The following NAPRT variants were observed in gnomAD, a reference collection of about 807,000 sequenced individuals.
NAPRT encodes FHA-HIT-interacting protein.
A neutral mutation model predicts 60.7 loss-of-function variants in NAPRT; 66 were observed. That is an observed-to-expected ratio of 1.09 (90% confidence interval 0.89 to 1.33). The LOEUF (loss-of-function observed/expected upper bound fraction) is 1.33. Among genes scored for constraint, NAPRT ranks in the 40% most tolerant of loss-of-function variants. NAPRT has a pLI of 0.00. For synonymous variants in NAPRT, 405 were observed against 335.7 expected, an observed-to-expected ratio of 1.21 and a Z score of -2.26; for missense variants, 818 against 731.5, an observed-to-expected ratio of 1.12 and a Z score of -1.36.
downstream of NAPRT, chr8:143,572,874 G>A: frequency 1.2e-6 from 1 of 846,768 alleles, no homozygotes. Context: ...CCTACAATGG[G>A]CCTTTGAGGG....
rs1391388570 is a variant in NAPRT, at chr8:143,575,419, T to A, written c.1291+4A>T. 1 of 1,592,072 alleles carries A rather than the reference T, an allele frequency of 6.3e-7. No homozygotes were observed. The highest frequency in any genetic ancestry group is 1.7e-5 in the Admixed American group (1 of 59,584). On this transcript the variant is annotated splice_donor_region_variant and intron_variant, in intron 10 of 12. Coordinates refer to ENST00000449291, the MANE Select transcript of NAPRT (RefSeq NM_145201.6). ...GGACAGCAGGGGGGATGGGAGGGCC[T>A]CACCGTCAGAGCCCAGGAGCCGGAA... is the stretch of plus-strand genomic sequence containing the variant.
Position 143,575,163 on chromosome 8 carries a change from G to A in NAPRT, c.1446+28C>T, listed in dbSNP as rs541073257. ...AGTCAGGGCTCTACCGGGGCTGGGG[G>A]TCAGGATGAGGGCGGTGGGGCAGCC... On this transcript the variant is annotated intron_variant, in intron 11 of 12. Coordinates refer to ENST00000449291, the MANE Select transcript of NAPRT (RefSeq NM_145201.6). 205 of 1,593,258 alleles carry A rather than the reference G, an allele frequency of 1.3e-4. 5 individuals are homozygous for A. In the South Asian group the frequency reaches 2.2e-3, roughly 17 times the overall value.
chr8:143,577,086 T>C lies in NAPRT; in HGVS notation c.660A>G (p.Ser220=). Residue 220 remains serine (S), a synonymous_variant, in exon 5 of 13, where the codon TCA becomes TCG. Transcript: ENST00000449291. ...CCGGGTCAGGGGGCACCTCGCTGCC[T>C]GAAAAGGAAGTGACGAAGGAGTGGG... ...TLAHSFVTSF[S]GSEVPPDPML... 6.2e-7 allele frequency: 1 copy of C among 1,612,932 alleles called. No individual in the cohort carries two copies. Among genetic ancestry groups the C allele is most frequent in the Non-Finnish European group, 8.5e-7 (1 of 1,179,908 alleles).
rs373972722 is a variant in NAPRT, at chr8:143,577,410, C to A, written c.438-11G>T. ...TTGGTGGCCACCAGGCTGTGGGGAG[C>A]CAAGAGTCAGGGGGTCCCAGGGTGA... is the stretch of plus-strand genomic sequence containing the variant. On this transcript the variant is annotated splice_polypyrimidine_tract_variant and intron_variant, in intron 3 of 12. Transcript: ENST00000449291. 4 of 1,603,532 alleles carry A rather than the reference C, an allele frequency of 2.5e-6. No homozygotes were observed. The highest frequency in any genetic ancestry group is 3.4e-6 in the Non-Finnish European group (4 of 1,175,806).
chr8:143,577,440 C>T (rs759653773), intron 3 of NAPRT, 41 bp from the exon 4 acceptor site: 1 of 1,574,876 alleles, frequency 6.3e-7, no homozygotes, highest in African/African-American at 1.3e-5. Context: ...GGGTGAGGAT[C>T]ACTAGGCCAC....
Position 143,575,350 on chromosome 8 carries a change from G to A in NAPRT, c.1292-5C>T, listed in dbSNP as rs1291617480. On this transcript the variant is annotated splice_polypyrimidine_tract_variant and splice_region_variant and intron_variant, in intron 10 of 12. Coordinates refer to ENST00000449291, the MANE Select transcript of NAPRT (RefSeq NM_145201.6). Reference sequence around the variant, plus strand: ...GCATGTCCATGAGTGGAGACCCTGTGTGGACGGGGCAAGAATAAGCGGGGG... The same window carrying A: ...GCATGTCCATGAGTGGAGACCCTGTATGGACGGGGCAAGAATAAGCGGGGG... 6.2e-7 allele frequency: 1 copy of A among 1,609,546 alleles called. No homozygotes were observed. The highest frequency in any genetic ancestry group is 1.3e-5 in the African/African-American group (1 of 74,826).
chr8:143,575,404 G>T lies in NAPRT; in HGVS notation c.1291+19C>A, dbSNP rs754142661. On this transcript the variant is annotated intron_variant, in intron 10 of 12. Transcript: ENST00000449291. ...TGGTGCTTTGAAGGTGGACAGCAGGGGGGATGGGAGGGCCTCACCGTCAGA... is the reference window on the plus strand; with the variant it reads ...TGGTGCTTTGAAGGTGGACAGCAGGTGGGATGGGAGGGCCTCACCGTCAGA... 7 of 1,593,864 alleles carry T rather than the reference G, an allele frequency of 4.4e-6. No homozygotes were observed. The highest frequency in any genetic ancestry group is 6.0e-6 in the Non-Finnish European group (7 of 1,164,436).
Position 143,578,183 on chromosome 8 carries a change from G to A in NAPRT, c.136C>T (p.Arg46Cys), listed in dbSNP as rs1824655722. Residue 46 changes from arginine (R) to cysteine (C), a missense_variant, in exon 1 of 13, where the codon CGC (arginine) becomes TGC (cysteine). By Grantham distance (180) the Arg-to-Cys change is radical (BLOSUM62 -3). Coordinates refer to ENST00000449291, the MANE Select transcript of NAPRT (RefSeq NM_145201.6). ...RDAAEFELFF[R>C]RCPFGGAFAL... ...AAGGCGCCGCCGAACGGGCAGCGGCGGAAGAAGAGCTCGAACTCGGCGGCG... is the reference window on the plus strand; with the variant it reads ...AAGGCGCCGCCGAACGGGCAGCGGCAGAAGAAGAGCTCGAACTCGGCGGCG... 4.0e-6 allele frequency: 6 copies of A among 1,515,592 alleles called. No individual in the cohort carries two copies. The highest frequency in any genetic ancestry group is 1.4e-5 in the African/African-American group (1 of 69,618). 93.9% of individuals were successfully genotyped at this position (1,515,592 alleles called of 1,614,324 possible).
At position 143,575,538 on chromosome 8, in the gene NAPRT, G is replaced by A. The variant is rs754505066; in HGVS notation, c.1189-13C>T. 2 of 1,598,274 alleles carry A rather than the reference G, an allele frequency of 1.3e-6. No individual in the cohort carries two copies. Among genetic ancestry groups the A allele is most frequent in the Non-Finnish European group, 1.7e-6 (2 of 1,168,328 alleles). The stretch of plus-strand genomic sequence containing the variant: ...CCACGGCCACCAGCTGCAGGAAGAG[G>A]GCGTTGAGCTGGCTGGTCCTTATCC... On this transcript the variant is annotated splice_polypyrimidine_tract_variant and intron_variant, in intron 9 of 12. Coordinates refer to ENST00000449291, the MANE Select transcript of NAPRT (RefSeq NM_145201.6).
chr8:143,575,174 G>A lies in NAPRT; in HGVS notation c.1446+17C>T, dbSNP rs1305354085. On this transcript the variant is annotated intron_variant, in intron 11 of 12. Transcript: ENST00000449291. ...TACCGGGGCTGGGGGTCAGGATGAG[G>A]GCGGTGGGGCAGCCACCTGTCCCTG... 2 of 1,599,166 alleles carry A rather than the reference G, an allele frequency of 1.3e-6. No homozygotes were observed. Among genetic ancestry groups the A allele is most frequent in the Non-Finnish European group, 1.7e-6 (2 of 1,173,362 alleles).
rs747280993 is a variant in NAPRT at position 143,576,122 on chromosome 8, T to A, written c.1063A>T (p.Ser355Cys). The A allele has an allele frequency of 2.5e-6, 4 of 1,606,490 alleles. No individual in the cohort carries two copies. In the African/African-American group the frequency reaches 4.0e-5, roughly 16 times the overall value. Reference sequence around the variant, plus strand: ...AGCGCCTCCTCGTCAATGTTGTTGCTGACTACGATGAGGACTGACTCCAGC... The same window carrying A: ...AGCGCCTCCTCGTCAATGTTGTTGCAGACTACGATGAGGACTGACTCCAGC... ...PWLESVLIVV[S>C]NNIDEEALAR... The change falls in exon 8 of 13, where the codon AGC (serine) becomes TGC (cysteine). Residue 355 changes from serine to cysteine, a missense_variant. Coordinates refer to ENST00000449291, the MANE Select transcript of NAPRT (RefSeq NM_145201.6).
chr8:143,573,210 C>CGCCCCCTGCACGCTGGCTCT (rs1207583156), downstream of NAPRT, among the ~76,000 whole-genome samples: 1 of 151,864 alleles, frequency 6.6e-6, no homozygotes, highest in Non-Finnish European at 1.5e-5. Flanking sequence ...ACGCTGGCTC[C>CGCCCCCTGCACGCTGGCTCT]GCCCCCTGCA....
In NAPRT at chr8:143,576,649, C is replaced by G. The variant is rs765502644; in HGVS notation, c.878G>C (p.Trp293Ser). ...CCCCTAAAGTGCCCGGGCTCACCTC[C>G]ACACGCTGTAGGTGTCCAGGAGGCC... ...FQGLLDTYSV[W>S]RSGLPNFLAV... The change falls in exon 6 of 13, where the codon TGG becomes TCG. Residue 293 changes from tryptophan (W) to serine (S), a missense_variant. Coordinates refer to ENST00000449291, the MANE Select transcript of NAPRT (RefSeq NM_145201.6). The G allele has an allele frequency of 3.1e-6, 5 of 1,609,660 alleles. No individual in the cohort carries two copies.
chr8:143,575,792 C>A, intron 8 of NAPRT, 90 bp from the exon 9 acceptor site: 1 of 594,008 alleles, frequency 1.7e-6, no homozygotes, highest in Non-Finnish European at 2.4e-6. Context: ...GGTGGCACTG[C>A]CCTGGGTGGG....
chr8:143,576,821 C>T lies in NAPRT; in HGVS notation c.706G>A (p.Glu236Lys), dbSNP rs139128977. 17 of 1,599,968 alleles carry T rather than the reference C, an allele frequency of 1.1e-5. No individual in the cohort carries two copies. The African/African-American group carries it at 2.3e-4, about 21-fold the overall frequency. ...PDPMLAPAAG[E>K]GPGVDLAAKA... is the part of the protein sequence containing the mutation. ...GCCGCCAGGTCCACCCCAGGGCCCTCACCAGCTGCTGGCGCCAACATCTGT... is the reference window on the plus strand; with the variant it reads ...GCCGCCAGGTCCACCCCAGGGCCCTTACCAGCTGCTGGCGCCAACATCTGT... Residue 236 changes from glutamate to lysine, a missense_variant, in exon 6 of 13, where the codon GAG (glutamate) becomes AAG (lysine). By Grantham distance (56) the Glu-to-Lys change is moderately conservative. Transcript: ENST00000449291.
At chr8:143,572,880 G>A (rs1824150377), downstream of NAPRT, 1 of 802,742 alleles carries the variant, frequency 1.2e-6, no homozygotes, top group Non-Finnish European at 1.8e-6. Flanking sequence ...ATGGGCCTTT[G>A]AGGGGCCCTC....
chr8:143,578,076 C>T lies in NAPRT; in HGVS notation c.226+17G>A. On this transcript the variant is annotated intron_variant, in intron 1 of 12. Coordinates refer to ENST00000449291, the MANE Select transcript of NAPRT (RefSeq NM_145201.6). The stretch of plus-strand genomic sequence containing the variant: ...TCTGCCGGGCGTGGGGGGCTCGTCG[C>T]GCGGACGGGGGACTACCGGCGTCCC... The T allele has an allele frequency of 2.0e-6, 3 of 1,501,730 alleles. No individual in the cohort carries two copies. The highest frequency in any genetic ancestry group is 1.8e-6 in the Non-Finnish European group (2 of 1,132,412). 93.0% of individuals were successfully genotyped at this position (1,501,730 alleles called of 1,614,324 possible). A position where few individuals can be genotyped will look rare whatever the true frequency, so the allele number is the denominator to read the frequency against.
At chr8:143,574,744 TG>T, downstream of NAPRT, 1 of 1,472,764 alleles carries the variant, frequency 6.8e-7, no homozygotes, top group Non-Finnish European at 9.3e-7. Context: ...GCGCAGCCCG[TG>T]GGCTGGGTGA....
At chr8:143,575,978 G>A in intron 8 of NAPRT, 100 bp downstream of exon 8, 1 of 1,015,368 alleles carries the variant, frequency 9.8e-7, no homozygotes, top group Non-Finnish European at 1.4e-6. Context: ...GGGTGGCAGT[G>A]CCCTGGGCGG....
Sources: allele counts gnomAD v4.1 joint callset (sites outside exome capture counted in the v4.1 genomes callset), GRCh38; gene constraint gnomAD v4.1.1; transcripts MANE v1.5; gene names NCBI Gene and HGNC (gene_info 2026-07-23, HGNC 2026-07-21).